The following AFTPH variants were observed in gnomAD, a reference collection of about 807,000 sequenced individuals.
AFTPH encodes aftiphilin protein.
Under a neutral mutation model 72.5 loss-of-function variants are expected in AFTPH, and 7 were observed. That is an observed-to-expected ratio of 0.10 (90% confidence interval 0.05 to 0.18). The LOEUF is 0.18. Ranked by LOEUF, AFTPH falls within the 10% of genes least tolerant of loss-of-function variation. AFTPH has a pLI of 1.00. For synonymous variants in AFTPH, 337 were observed against 370.1 expected (o/e 0.91, Z 1.03); for missense variants, 979 against 1,060.5 (o/e 0.92, Z 1.07).
intron 8 of AFTPH, among the ~76,000 whole-genome samples, chr2:64,589,578 A>G (rs1374382052): frequency 1.4e-5 from 2 of 144,530 alleles, no homozygotes; most frequent in Non-Finnish European, 3.0e-5. Context: ...TAAATGCACA[A>G]ACTATGAACT....
chr2:64,586,255 A>G (rs1317694958), intron 8 of AFTPH, among the ~76,000 whole-genome samples: 2 of 152,262 alleles, frequency 1.3e-5, no homozygotes, highest in Non-Finnish European at 2.9e-5. Context: ...TCACTAGTGC[A>G]AAAGCAAATA....
intron 8 of AFTPH, among the ~76,000 whole-genome samples, chr2:64,591,140 C>T (rs1261552552): frequency 6.6e-6 from 1 of 152,164 alleles, no homozygotes; most frequent in Non-Finnish European, 1.5e-5. Context: ...CTGAGTAGAC[C>T]TGGGTCACCA....
chr2:64,585,568 A>G, intron 8 of AFTPH, 23 bp downstream of exon 9: 1 of 1,578,814 alleles, frequency 6.3e-7, no homozygotes, highest in Non-Finnish European at 8.6e-7. Flanking sequence ...TGTCAATTAT[A>G]CCCACATTTT....
At chr2:64,574,789 C>G (rs934314646) in intron 6 of AFTPH, among the ~76,000 whole-genome samples, 1 of 152,208 alleles carries the variant, frequency 6.6e-6, no homozygotes, top group Non-Finnish European at 1.5e-5. Context: ...AGAATCTGTT[C>G]TTAGTTACCT....
intron 1 of AFTPH, among the ~76,000 whole-genome samples, chr2:64,536,944 T>A (rs1418830315): frequency 1.9e-5 from 2 of 105,444 alleles, no homozygotes; most frequent in African/African-American, 4.7e-5. Context: ...AGAAGGAGAC[T>A]CTGTCTCAAA....
intron 7 of AFTPH, chr2:64,580,204 G>C (rs1183296048): frequency 6.6e-6 from 1 of 152,616 alleles, no homozygotes; most frequent in Non-Finnish European, 1.5e-5. Flanking sequence ...ACCAATGTTA[G>C]TTTCTAGTAT....
chr2:64,547,390 C>G (rs1476510851), intron 1 of AFTPH, among the ~76,000 whole-genome samples: 2 of 152,176 alleles, frequency 1.3e-5, no homozygotes, highest in Admixed American at 6.5e-5. Flanking sequence ...CAGGATATCC[C>G]AGAAGTGATC....
Position 64,573,120 on chromosome 2 carries a change from T to C in AFTPH, c.2394+52T>C, listed in dbSNP as rs753151727. The C allele has an allele frequency of 1.4e-5, 19 of 1,356,746 alleles. No individual in the cohort carries two copies. The South Asian group carries it at 2.0e-4, about 15-fold the overall frequency. 84.0% of individuals were successfully genotyped at this position (1,356,746 alleles called of 1,614,324 possible). A position where few individuals can be genotyped will look rare whatever the true frequency, so the allele number is the denominator to read the frequency against. On this transcript the variant is annotated intron_variant, in intron 6 of 8. Transcript: ENST00000238856. Reference sequence around the variant, plus strand: ...ATGTTTATGCGTGTATATACACATATATCCACACATACTGCCTTTTTCCTT... The same window carrying C: ...ATGTTTATGCGTGTATATACACATACATCCACACATACTGCCTTTTTCCTT...
intron 2 of AFTPH, among the ~76,000 whole-genome samples, chr2:64,556,459 TA>T (rs1671382897): frequency 6.6e-6 from 1 of 152,220 alleles, no homozygotes; most frequent in South Asian, 2.1e-4. Flanking sequence ...AGAGCTTAAT[TA>T]AACAAACATG....
At chr2:64,564,941 T>A (rs1445709450) in intron 2 of AFTPH, among the ~76,000 whole-genome samples, 1 of 151,648 alleles carries the variant, frequency 6.6e-6, no homozygotes, top group Non-Finnish European at 1.5e-5. Flanking sequence ...CTGGTTCAAG[T>A]GATTCTCATG....
At chr2:64,545,875 G>GT (rs577516093) in intron 1 of AFTPH, among the ~76,000 whole-genome samples, 2 of 151,066 alleles carry the variant, frequency 1.3e-5, no homozygotes, top group Non-Finnish European at 3.0e-5. Context: ...ACAAACGCAA[G>GT]TTTTTTTTTG....
At position 64,524,441 on chromosome 2, in the gene AFTPH, A is replaced by G. The variant is rs574654114; in HGVS notation, c.-204A>G. ...GGTAGTGGGATGGGGGTCCCGCGGC[A>G]GCGGTGAAACTCCGGGTGGGCGTCC... On this transcript the variant is annotated 5_prime_UTR_variant, in exon 1 of 9. Coordinates refer to ENST00000238856, the Ensembl canonical transcript of AFTPH. The G allele has an allele frequency of 5.4e-4, 216 of 403,022 alleles. 2 individuals carry two copies. The highest frequency in any genetic ancestry group is 4.1e-3 in the African/African-American group (198 of 48,776). The allele number at this position is 403,022 out of a possible 1,614,324, so 25.0% of individuals were successfully genotyped here.
chr2:64,545,621 C>A (rs1174817655), intron 1 of AFTPH, among the ~76,000 whole-genome samples: 1 of 107,458 alleles, frequency 9.3e-6, no homozygotes, highest in Admixed American at 1.2e-4. Flanking sequence ...AAGACCTGAC[C>A]TATTGTTACA....
chr2:64,534,122 C>T (rs540682490), intron 1 of AFTPH, among the ~76,000 whole-genome samples: 37 of 152,216 alleles, frequency 2.4e-4, no homozygotes, highest in Middle Eastern at 3.4e-3. Flanking sequence ...GTAGTATTTT[C>T]AGTTTTGCTG....
At position 64,569,612 on chromosome 2, in the gene AFTPH, C is replaced by T. The variant is rs200150026; in HGVS notation, c.2215-11C>T. On this transcript the variant is annotated splice_polypyrimidine_tract_variant and intron_variant, in intron 4 of 8. Transcript: ENST00000238856. ...CTAAATATATGTTCTTTCTGTCTAA[C>T]GTGTGTGTAGCTCTTCACGGGCAAT... 3.7e-5 allele frequency: 60 copies of T among 1,612,840 alleles called. No homozygotes were observed. Among genetic ancestry groups the T allele is most frequent in the Admixed American group, 6.7e-5 (4 of 59,980 alleles).
intron 1 of AFTPH, among the ~76,000 whole-genome samples, chr2:64,547,054 AATACATAC>A (rs576089102): frequency 3.9e-5 from 6 of 151,904 alleles, no homozygotes; most frequent in South Asian, 4.1e-4. Flanking sequence ...GTCTCAAAAA[AATACATAC>A]ATACATACAT....
chr2:64,572,653 T>C (rs1270408261), intron 5 of AFTPH, among the ~76,000 whole-genome samples: 1 of 152,206 alleles, frequency 6.6e-6, no homozygotes, highest in Non-Finnish European at 1.5e-5. Flanking sequence ...AAAGGTATTA[T>C]TGTGAAATGG....
chr2:64,552,918 G>C (rs755866412), exon 2 of AFTPH: 2 of 1,614,102 alleles, frequency 1.2e-6, no homozygotes, highest in Non-Finnish European at 1.7e-6. Flanking sequence ...TGGAGAATTT[G>C]GGGATATAAA....
At chr2:64,569,287 C>T in intron 4 of AFTPH, 69 bp downstream of exon 4, 1 of 1,524,072 alleles carries the variant, frequency 6.6e-7, no homozygotes, top group Non-Finnish European at 8.9e-7. Context: ...TGTCATACTT[C>T]TGTTTAAGCT....
Sources: gnomAD v4.1 joint callset for allele counts (sites outside exome capture counted in the v4.1 genomes callset) on GRCh38, gnomAD v4.1.1 for gene constraint, MANE v1.5 for transcripts, NCBI Gene and HGNC (gene_info 2026-07-23, HGNC 2026-07-21) for gene names.